CNTNAP2: variants seen among roughly 807,000 people sequenced by gnomAD.
CNTNAP2 encodes the protein contactin associated protein 2, also known as contactin-associated protein-like 2.
A neutral mutation model predicts 155.2 loss-of-function variants in CNTNAP2; 98 were observed. The ratio of observed to expected loss-of-function variants is 0.63; its 90% CI spans 0.54 to 0.75. The LOEUF (loss-of-function observed/expected upper bound fraction) is 0.75. Ranked by LOEUF, CNTNAP2 falls within the 30% of genes least tolerant of loss-of-function variation. The pLI, the probability that CNTNAP2 is intolerant of heterozygous loss-of-function variation, is 0.00. For missense variants in CNTNAP2, 1,727 were observed against 1,688.1 expected, an observed-to-expected ratio of 1.02 and a Z score of -0.40; for synonymous variants, 651 against 631.2, an observed-to-expected ratio of 1.03 and a Z score of -0.47.
intron 11 of CNTNAP2, among the ~76,000 whole-genome samples, chr7:147,546,332 TG>T (rs1799731238): frequency 6.6e-6 from 1 of 152,066 alleles, no homozygotes; most frequent in African/African-American, 2.4e-5. Context: ...AAAAAGAAAA[TG>T]GAACTATTAA....
rs139388986 is a variant in CNTNAP2 at position 147,558,808 on chromosome 7, T to C, written c.1778-3330T>C. Among the ~76,000 whole-genome samples the C allele has an allele frequency of 6.2e-3, 948 of 152,046 alleles. 9 individuals carry two copies. Among genetic ancestry groups the C allele is most frequent in the African/African-American group, 0.022 (909 of 41,480 alleles). The stretch of plus-strand genomic sequence containing the variant: ...CCCAGGCTGGAGTGCGGTGGCACAA[T>C]CTTATCTCACTGCATCCTTCGCCTC... On this transcript the variant is annotated intron_variant, in intron 11 of 23. Transcript: ENST00000361727.
chr7:146,368,757 C>T (rs1795189571), intron 1 of CNTNAP2, among the ~76,000 whole-genome samples: 1 of 151,408 alleles, frequency 6.6e-6, no homozygotes, highest in African/African-American at 2.4e-5. Context: ...CTGCATTTAC[C>T]TAGAACAAGA....
intron 3 of CNTNAP2, among the ~76,000 whole-genome samples, chr7:146,914,157 T>C (rs1796345711): frequency 6.6e-6 from 1 of 152,136 alleles, no homozygotes. Context: ...GTCGTATTCA[T>C]ATATATATGA....
chr7:147,658,319 A>T (rs1288235064), intron 13 of CNTNAP2, among the ~76,000 whole-genome samples: 1 of 152,112 alleles, frequency 6.6e-6, no homozygotes, highest in Non-Finnish European at 1.5e-5. Flanking sequence ...AACCTAAGTC[A>T]GATTCTTTGG....
At chr7:146,930,570 A>C (rs1325598939) in intron 3 of CNTNAP2, among the ~76,000 whole-genome samples, 1 of 152,214 alleles carries the variant, frequency 6.6e-6, no homozygotes, top group South Asian at 2.1e-4. Flanking sequence ...GACAGGATGA[A>C]ATTCACGCAT....
chr7:147,874,703 T>C (rs1200803198), intron 13 of CNTNAP2, among the ~76,000 whole-genome samples: 1 of 152,252 alleles, frequency 6.6e-6, no homozygotes, highest in Non-Finnish European at 1.5e-5. Context: ...TGCAAATTCC[T>C]GCAGTAGGCT....
At chr7:148,123,631 A>AGAAGGAAGGAAGGAAGGAAG (rs1416737483) in intron 16 of CNTNAP2, among the ~76,000 whole-genome samples, 4 of 95,366 alleles carry the variant, frequency 4.2e-5, no homozygotes, top group African/African-American at 1.7e-4. Context: ...AGGAAGGGAG[A>AGAAGGAAGGAAGGAAGGAAG]GCAGGAAGGA....
At position 147,130,869 on chromosome 7, in the gene CNTNAP2, A is replaced by G. The variant is rs930234058; in HGVS notation, c.1084-1376A>G. On this transcript the variant is annotated intron_variant, in intron 7 of 23. Coordinates refer to ENST00000361727, the MANE Select transcript of CNTNAP2 (RefSeq NM_014141.6). ...TGTGGTCAGTTATAAAATCTCAATT[A>G]TTATGCATAGGCAGTTCTTTTTATC... 2.6e-5 allele frequency among the ~76,000 whole-genome samples: 4 copies of G among 152,196 alleles called. No homozygotes were observed. In the South Asian group the frequency reaches 6.2e-4, roughly 24 times the overall value.
intron 8 of CNTNAP2, among the ~76,000 whole-genome samples, chr7:147,236,610 G>T: frequency 6.7e-6 from 1 of 148,600 alleles, no homozygotes; most frequent in Admixed American, 6.7e-5. Flanking sequence ...ATCTTAACCT[G>T]TAAAAATCCC....
chr7:146,367,844 A>G (rs1264533505), intron 1 of CNTNAP2, among the ~76,000 whole-genome samples: 1 of 152,112 alleles, frequency 6.6e-6, no homozygotes, highest in Non-Finnish European at 1.5e-5. Context: ...AGGAGATAAA[A>G]TGAATTTTCC....
intron 1 of CNTNAP2, among the ~76,000 whole-genome samples, chr7:146,531,454 G>A (rs2129139252): frequency 6.6e-6 from 1 of 152,224 alleles, no homozygotes; most frequent in Non-Finnish European, 1.5e-5. Context: ...GAAATATATG[G>A]TCTTCTAAAT....
Position 147,975,317 on chromosome 7 carries a change from G to A in CNTNAP2, c.2256-2545G>A, listed in dbSNP as rs1585056814. 2.0e-5 allele frequency among the ~76,000 whole-genome samples: 3 copies of A among 152,138 alleles called. No individual in the cohort carries two copies. In the East Asian group the frequency reaches 5.8e-4, roughly 29 times the overall value. On this transcript the variant is annotated intron_variant, in intron 14 of 23. Coordinates refer to ENST00000361727, the MANE Select transcript of CNTNAP2 (RefSeq NM_014141.6). ...TCTGATGGAGTGTACTGATTGGGAA[G>A]GGCATGGGGGGTGCTTCTAGGGTGC... is the stretch of plus-strand genomic sequence containing the variant.
At chr7:146,696,823 GCTT>G (rs1379047352) in intron 1 of CNTNAP2, among the ~76,000 whole-genome samples, 1 of 151,986 alleles carries the variant, frequency 6.6e-6, no homozygotes, top group East Asian at 1.9e-4. Context: ...GGAATTTTCA[GCTT>G]CTTTTTATTT....
chr7:147,646,788 G>C (rs1795371666), intron 13 of CNTNAP2, among the ~76,000 whole-genome samples: 1 of 152,034 alleles, frequency 6.6e-6, no homozygotes, highest in Non-Finnish European at 1.5e-5. Flanking sequence ...TGTTTTGCTG[G>C]GCCTAACTTT....
intron 1 of CNTNAP2, among the ~76,000 whole-genome samples, chr7:146,177,839 C>T (rs1013664282): frequency 1.3e-5 from 2 of 151,928 alleles, no homozygotes; most frequent in African/African-American, 4.8e-5. Context: ...TTTTACTTTC[C>T]TACATAGAGA....
chr7:146,460,493 C>G (rs1449624902), intron 1 of CNTNAP2, among the ~76,000 whole-genome samples: 1 of 152,072 alleles, frequency 6.6e-6, no homozygotes, highest in African/African-American at 2.4e-5. Flanking sequence ...TATTGAAGCA[C>G]TGTTCGCAAT....
At chr7:146,630,905 G>A (rs896436839) in intron 1 of CNTNAP2, among the ~76,000 whole-genome samples, 1 of 151,968 alleles carries the variant, frequency 6.6e-6, no homozygotes, top group Non-Finnish European at 1.5e-5. Flanking sequence ...AAGGAAATAA[G>A]AGAGAACACA....
chr7:147,344,806 C>G (rs1045748726), intron 9 of CNTNAP2, among the ~76,000 whole-genome samples: 3 of 151,966 alleles, frequency 2.0e-5, no homozygotes, highest in Non-Finnish European at 4.4e-5. Context: ...AATAAACGTA[C>G]ATTAGGATCA....
At position 147,394,902 on chromosome 7, in the gene CNTNAP2, G is replaced by GTATATATACCATATTATGGTATTT. The variant is rs549487511; in HGVS notation, c.1499-679_1499-656dup. On this transcript the variant is annotated intron_variant, in intron 9 of 23. Coordinates refer to ENST00000361727, the MANE Select transcript of CNTNAP2 (RefSeq NM_014141.6). ...TAGTTCTATCTGTTATTATTTACTAGTATATATACCATATTATGGTATTTT... is the reference window on the plus strand; with the variant it reads ...TAGTTCTATCTGTTATTATTTACTAGTATATATACCATATTATGGTATTTTATATATACCATATTATGGTATTTT... Among the ~76,000 whole-genome samples the GTATATATACCATATTATGGTATTT allele has an allele frequency of 3.1e-3, 452 of 146,996 alleles. 3 individuals are homozygous for GTATATATACCATATTATGGTATTT. Among genetic ancestry groups the GTATATATACCATATTATGGTATTT allele is most frequent in the African/African-American group, 0.01 (405 of 39,514 alleles).
Sources: gnomAD v4.1 joint callset for allele counts (sites outside exome capture counted in the v4.1 genomes callset) on GRCh38, gnomAD v4.1.1 for gene constraint, MANE v1.5 for transcripts, NCBI Gene and HGNC (gene_info 2026-07-23, HGNC 2026-07-21) for gene names.